CTNNA2: variants seen among roughly 807,000 people sequenced by gnomAD.
The protein encoded by CTNNA2 is catenin alpha 2, also known as catenin alpha-2.
CTNNA2 carries 42 observed loss-of-function variants against 101.0 expected under a neutral mutation model. The ratio of observed to expected loss-of-function variants is 0.42; its 90% CI spans 0.32 to 0.54. The LOEUF (loss-of-function observed/expected upper bound fraction) is 0.54, where lower values mean the gene tolerates loss of function less well. CTNNA2 is among the 20% of genes least tolerant of loss of function. The pLI is 0.14. For synonymous variants in CTNNA2, 450 were observed against 456.4 expected (o/e 0.99, Z 0.18); for missense variants, 871 against 1,223.1 (o/e 0.71, Z 4.29).
chr2:79,384,823 G>T (rs544825772), intron 4 of CTNNA2, among the ~76,000 whole-genome samples: 10,235 of 152,016 alleles, frequency 0.067, 1,116 homozygotes, highest in African/African-American at 0.24. Flanking sequence ...TCACTACTTA[G>T]TAAAGAATAA....
intron 7 of CTNNA2, among the ~76,000 whole-genome samples, chr2:79,997,243 G>A (rs1300873180): frequency 1.3e-5 from 2 of 151,404 alleles, no homozygotes; most frequent in Non-Finnish European, 2.9e-5. Context: ...TATTTAGTAT[G>A]GTGCCTAATA....
intron 7 of CTNNA2, among the ~76,000 whole-genome samples, chr2:80,185,577 G>A (rs1446544371): frequency 6.6e-6 from 1 of 152,204 alleles, no homozygotes; most frequent in Non-Finnish European, 1.5e-5. Context: ...GTTTATCACA[G>A]GACCTTTCAG....
At chr2:80,492,664 A>G (rs1687153685) in intron 9 of CTNNA2, among the ~76,000 whole-genome samples, 1 of 152,006 alleles carries the variant, frequency 6.6e-6, no homozygotes, top group Non-Finnish European at 1.5e-5. Flanking sequence ...CAGCTTCCCT[A>G]TCTTGTAGAT....
At chr2:79,437,637 C>T (rs1380885698) in intron 4 of CTNNA2, among the ~76,000 whole-genome samples, 1 of 152,218 alleles carries the variant, frequency 6.6e-6, no homozygotes, top group Non-Finnish European at 1.5e-5. Flanking sequence ...TGCTCTGCTT[C>T]ATAACATAAC....
intron 8 of CTNNA2, among the ~76,000 whole-genome samples, chr2:80,414,987 C>A (rs963871148): frequency 1.3e-5 from 2 of 152,132 alleles, no homozygotes; most frequent in African/African-American, 4.8e-5. Flanking sequence ...CAGTGGCCCA[C>A]ACTTCTAGTA....
intron 7 of CTNNA2, among the ~76,000 whole-genome samples, chr2:80,186,999 G>C (rs1011114604): frequency 1.3e-5 from 2 of 152,202 alleles, no homozygotes; most frequent in Non-Finnish European, 2.9e-5. Flanking sequence ...ACACCTTGGT[G>C]AATTATGGTG....
chr2:80,233,232 G>T (rs908454702), intron 7 of CTNNA2, among the ~76,000 whole-genome samples: 1 of 152,044 alleles, frequency 6.6e-6, no homozygotes, highest in Non-Finnish European at 1.5e-5. Flanking sequence ...TGCAAAAATT[G>T]TGAATTATTG....
At chr2:79,874,395 A>G (rs1682842762) in intron 6 of CTNNA2, 53 bp downstream of exon 6, 2 of 1,570,656 alleles carry the variant, frequency 1.3e-6, no homozygotes, top group Non-Finnish European at 1.7e-6. Context: ...TTGACAAAAA[A>G]AAAAAATGTA....
intron 7 of CTNNA2, among the ~76,000 whole-genome samples, chr2:79,985,502 A>G (rs1317178483): frequency 6.6e-6 from 1 of 152,120 alleles, no homozygotes; most frequent in Non-Finnish European, 1.5e-5. Flanking sequence ...AGACCTAAAC[A>G]CACAGTACGT....
chr2:79,731,285 T>C (rs954114403), intron 2 of CTNNA2, among the ~76,000 whole-genome samples: 4 of 152,068 alleles, frequency 2.6e-5, no homozygotes, highest in Non-Finnish European at 5.9e-5. Flanking sequence ...TTTTGATGAT[T>C]TTTCATTGAT....
chr2:79,831,428 A>T (rs541343488), intron 3 of CTNNA2, among the ~76,000 whole-genome samples: 1 of 152,100 alleles, frequency 6.6e-6, no homozygotes, highest in Non-Finnish European at 1.5e-5. Context: ...CCCCTTAACT[A>T]TAACAGCCCA....
At chr2:79,970,043 A>G (rs1206565264) in intron 7 of CTNNA2, among the ~76,000 whole-genome samples, 1 of 152,162 alleles carries the variant, frequency 6.6e-6, no homozygotes, top group African/African-American at 2.4e-5. Flanking sequence ...TACATGTGAA[A>G]GGTTTAGATC....
chr2:80,648,167 A>T lies in CTNNA2; in HGVS notation c.*295A>T. The T allele has an allele frequency of 4.6e-6, 1 of 215,136 alleles. No individual in the cohort carries two copies. The highest frequency in any genetic ancestry group is 9.2e-6 in the Non-Finnish European group (1 of 108,212). 13.3% of individuals were successfully genotyped at this position (215,136 alleles called of 1,614,324 possible). ...CGCAATATTTATGGGAGTGGGAGGG[A>T]TGGGGAAAATAAACTTAACTCTACA... On this transcript the variant is annotated 3_prime_UTR_variant, in exon 19 of 19. Coordinates refer to ENST00000402739, the MANE Select transcript of CTNNA2 (RefSeq NM_001282597.3).
At chr2:80,189,111 C>T (rs1361242390) in intron 7 of CTNNA2, among the ~76,000 whole-genome samples, 4 of 152,010 alleles carry the variant, frequency 2.6e-5, no homozygotes, top group Admixed American at 6.6e-5. Flanking sequence ...TGCCACCTCA[C>T]CTGGCTAATT....
chr2:79,576,843 C>T (rs1675830449), intron 1 of CTNNA2, among the ~76,000 whole-genome samples: 1 of 152,028 alleles, frequency 6.6e-6, no homozygotes, highest in African/African-American at 2.4e-5. Flanking sequence ...TTGTTCTCTG[C>T]CAAGGAATGA....
chr2:79,518,893 A>G (rs1275677484), intron 1 of CTNNA2, among the ~76,000 whole-genome samples: 1 of 149,360 alleles, frequency 6.7e-6, no homozygotes, highest in South Asian at 2.1e-4. Context: ...TTTTTTTTCT[A>G]ATATGTGGAA....
chr2:79,560,307 T>C (rs1674697718), intron 1 of CTNNA2, among the ~76,000 whole-genome samples: 1 of 151,950 alleles, frequency 6.6e-6, no homozygotes, highest in Non-Finnish European at 1.5e-5. Flanking sequence ...TAGAAGTTTG[T>C]TTTCAGAGAC....
At chr2:80,026,695 C>T (rs1385816989) in intron 7 of CTNNA2, among the ~76,000 whole-genome samples, 2 of 152,058 alleles carry the variant, frequency 1.3e-5, no homozygotes, top group African/African-American at 2.4e-5. Context: ...CTGGAAAGGA[C>T]CTTGTTTGTC....
At chr2:80,010,393 C>T (rs1020163890) in intron 7 of CTNNA2, among the ~76,000 whole-genome samples, 4 of 152,094 alleles carry the variant, frequency 2.6e-5, no homozygotes, top group Admixed American at 2.0e-4. Context: ...GATCATGGTT[C>T]ACTACAGCCT....
Sources: allele counts gnomAD v4.1 joint callset (sites outside exome capture counted in the v4.1 genomes callset), GRCh38; gene constraint gnomAD v4.1.1; transcripts MANE v1.5; gene names NCBI Gene and HGNC (gene_info 2026-07-23, HGNC 2026-07-21).